DENND1A: variants seen among roughly 807,000 people sequenced by gnomAD.
The protein encoded by DENND1A is DENN domain containing 1A.
Under a neutral mutation model 113.7 loss-of-function variants are expected in DENND1A, and 51 were observed. The ratio of observed to expected loss-of-function variants is 0.45; its 90% confidence interval spans 0.36 to 0.57. The LOEUF (loss-of-function observed/expected upper bound fraction) is 0.57, where lower values mean the gene tolerates loss of function less well. Ranked by LOEUF, DENND1A falls within the 20% of genes least tolerant of loss-of-function variation. The pLI is 0.00. For missense variants in DENND1A, 1,258 were observed against 1,395.9 expected, an observed-to-expected ratio of 0.90 and a Z score of 1.57; for synonymous variants, 565 against 570.8, an observed-to-expected ratio of 0.99 and a Z score of 0.14.
intron 13 of DENND1A, among the ~76,000 whole-genome samples, chr9:123,484,372 C>T (rs982891621): frequency 2.0e-5 from 3 of 152,268 alleles, no homozygotes; most frequent in South Asian, 2.1e-4. Flanking sequence ...GAGAGTAAGC[C>T]GCCCAGAGAT....
At chr9:123,419,680 T>C (rs2045071295) in intron 19 of DENND1A, among the ~76,000 whole-genome samples, 1 of 152,264 alleles carries the variant, frequency 6.6e-6, no homozygotes, top group Non-Finnish European at 1.5e-5. Flanking sequence ...TCTGCTATTA[T>C]GCAAGGCATG....
intron 1 of DENND1A, among the ~76,000 whole-genome samples, chr9:123,892,867 A>T (rs1850131897): frequency 6.6e-6 from 1 of 152,216 alleles, no homozygotes; most frequent in Admixed American, 6.5e-5. Context: ...CTGTAATCCC[A>T]GCTACTCAAG....
intron 13 of DENND1A, among the ~76,000 whole-genome samples, chr9:123,459,165 T>C (rs974530235): frequency 6.6e-6 from 1 of 152,110 alleles, no homozygotes; most frequent in African/African-American, 2.4e-5. Flanking sequence ...TGAGACTCCA[T>C]CTCAGAAAAA....
intron 12 of DENND1A, among the ~76,000 whole-genome samples, chr9:123,565,646 C>A (rs147402273): frequency 1.5e-4 from 23 of 152,102 alleles, no homozygotes; most frequent in Non-Finnish European, 2.6e-4. Context: ...GGAATGTGTG[C>A]GTCTGGAGAG....
intron 5 of DENND1A, among the ~76,000 whole-genome samples, chr9:123,701,237 C>T (rs2065866748): frequency 6.6e-6 from 1 of 152,176 alleles, no homozygotes; most frequent in Admixed American, 6.5e-5. Flanking sequence ...TATCCCCACA[C>T]AGAAACATCA....
intron 5 of DENND1A, among the ~76,000 whole-genome samples, chr9:123,739,157 A>G (rs909520958): frequency 6.6e-6 from 1 of 152,134 alleles, no homozygotes; most frequent in African/African-American, 2.4e-5. Context: ...GTTGCTTTTC[A>G]TTAGCAAAAG....
At chr9:123,387,179 T>G (rs2042610102) in intron 22 of DENND1A, among the ~76,000 whole-genome samples, 1 of 152,186 alleles carries the variant, frequency 6.6e-6, no homozygotes, top group African/African-American at 2.4e-5. Context: ...TAGGGGTGGC[T>G]GGATGGTGGG....
At chr9:123,633,716 C>T (rs1296175713) in intron 9 of DENND1A, among the ~76,000 whole-genome samples, 1 of 152,148 alleles carries the variant, frequency 6.6e-6, no homozygotes, top group African/African-American at 2.4e-5. Flanking sequence ...GCAGAGGTTG[C>T]AGTGGGCTGA....
intron 12 of DENND1A, among the ~76,000 whole-genome samples, chr9:123,574,191 T>G (rs1034641235): frequency 3.5e-4 from 49 of 139,776 alleles, no homozygotes; most frequent in Admixed American, 7.7e-4. Context: ...TTTTTTTTTT[T>G]GTTTGTAAAT....
At chr9:123,840,972 C>T (rs1841742513) in intron 2 of DENND1A, among the ~76,000 whole-genome samples, 2 of 152,156 alleles carry the variant, frequency 1.3e-5, no homozygotes, top group South Asian at 4.1e-4. Flanking sequence ...GGAATTTCAT[C>T]CCAAGGCTCC....
At chr9:123,848,499 C>T (rs760681919) in intron 2 of DENND1A, among the ~76,000 whole-genome samples, 1 of 152,074 alleles carries the variant, frequency 6.6e-6, no homozygotes, top group Non-Finnish European at 1.5e-5. Context: ...TTCCACCAAC[C>T]AGCCATTCTC....
chr9:123,482,344 T>C (rs1007691271), intron 13 of DENND1A, among the ~76,000 whole-genome samples: 3 of 152,210 alleles, frequency 2.0e-5, no homozygotes, highest in African/African-American at 7.2e-5. Flanking sequence ...GTGATCTGCC[T>C]ACCTCAGCCT....
intron 2 of DENND1A, among the ~76,000 whole-genome samples, chr9:123,877,316 C>T (rs138059054): frequency 0.035 from 5,349 of 151,294 alleles, 125 homozygotes; most frequent in Middle Eastern, 0.091. Context: ...AGTGAAACCC[C>T]GTCTCTACTA....
intron 2 of DENND1A, among the ~76,000 whole-genome samples, chr9:123,799,155 C>G (rs986442550): frequency 9.9e-5 from 15 of 152,226 alleles, no homozygotes; most frequent in African/African-American, 3.6e-4. Flanking sequence ...AAAGAGATAA[C>G]TTATTTATTC....
At chr9:123,402,284 G>A (rs1210876475) in intron 21 of DENND1A, among the ~76,000 whole-genome samples, 8 of 151,852 alleles carry the variant, frequency 5.3e-5, no homozygotes, top group South Asian at 2.1e-4. Flanking sequence ...ATATAATTCT[G>A]GAACTTTCTG....
chr9:123,778,268 G>A (rs969331589), intron 3 of DENND1A, among the ~76,000 whole-genome samples: 1 of 152,032 alleles, frequency 6.6e-6, no homozygotes, highest in Admixed American at 6.6e-5. Flanking sequence ...AGGCTGCCTC[G>A]GACAAATTAA....
chr9:123,384,037 G>A (rs1453782270), intron 22 of DENND1A, 124 bp from the exon 23 acceptor site: 1 of 1,305,678 alleles, frequency 7.7e-7, no homozygotes, highest in Non-Finnish European at 1.0e-6. Flanking sequence ...ACAGGAGAGT[G>A]TCCCGGGGTC....
At chr9:123,462,537 C>T (rs1267571852) in intron 13 of DENND1A, among the ~76,000 whole-genome samples, 1 of 152,200 alleles carries the variant, frequency 6.6e-6, no homozygotes, top group Non-Finnish European at 1.5e-5. Context: ...TGGCTCACGT[C>T]TGTAATCTCA....
At chr9:123,580,408 TG>T (rs2058832966) in intron 12 of DENND1A, among the ~76,000 whole-genome samples, 1 of 152,260 alleles carries the variant, frequency 6.6e-6, no homozygotes, top group Admixed American at 6.5e-5. Context: ...GTAATAGATA[TG>T]TAATTGACAT....
Sources: allele counts gnomAD v4.1 joint callset (sites outside exome capture counted in the v4.1 genomes callset), GRCh38; gene constraint gnomAD v4.1.1; transcripts MANE v1.5; gene names NCBI Gene and HGNC (gene_info 2026-07-23, HGNC 2026-07-21).